Variants in TEAD4 observed in about 807,000 individuals in gnomAD.
TEAD4 encodes TEA domain transcription factor 4, also known as transcriptional enhancer factor TEF-3.
Under a neutral mutation model 52.4 loss-of-function variants are expected in TEAD4, and 36 were observed. That is an observed-to-expected ratio of 0.69 (90% CI 0.53 to 0.91). The LOEUF (loss-of-function observed/expected upper bound fraction) is 0.91, where lower values mean the gene tolerates loss of function less well. Among genes scored for constraint, TEAD4 ranks in the 40% least tolerant of loss-of-function variants. The pLI, the probability that TEAD4 is intolerant of heterozygous loss-of-function variation, is 0.00. For missense variants in TEAD4, 508 were observed against 583.9 expected (o/e 0.87, Z 1.34); for synonymous variants, 220 against 231.0 (o/e 0.95, Z 0.43).
intron 2 of TEAD4, among the ~76,000 whole-genome samples, chr12:2,986,365 C>T (rs61507057): frequency 0.035 from 5,230 of 151,530 alleles, 317 homozygotes; most frequent in African/African-American, 0.12. Context: ...AGGCTGGGTG[C>T]GGTGGCTCAC....
At chr12:3,027,618 A>G (rs180749380) in intron 10 of TEAD4, among the ~76,000 whole-genome samples, 16 of 152,286 alleles carry the variant, frequency 1.1e-4, no homozygotes, top group African/African-American at 2.9e-4. Context: ...AGTAACCCCT[A>G]CACTTTGGGA....
intron 2 of TEAD4, among the ~76,000 whole-genome samples, chr12:2,962,215 C>T (rs574505678): frequency 2.2e-4 from 33 of 148,132 alleles, no homozygotes; most frequent in African/African-American, 7.8e-4. Context: ...ACCTCCGCCT[C>T]CTGGGTTCAA....
chr12:3,023,534 T>A (rs1163087050), intron 10 of TEAD4, among the ~76,000 whole-genome samples: 17 of 151,556 alleles, frequency 1.1e-4, no homozygotes, highest in Non-Finnish European at 1.5e-5. Context: ...ATGCCTGTAA[T>A]CCCAGCACTT....
In TEAD4 at chr12:2,973,972, C is replaced by T. The variant is rs1423232490; in HGVS notation, c.-30+13932C>T. Among the ~76,000 whole-genome samples, 10 of 152,192 alleles carry T rather than the reference C, an allele frequency of 6.6e-5. No homozygotes were observed. In the East Asian group the frequency reaches 1.7e-3, roughly 26 times the overall value. ...GGGTCCTCTGGGATGGTAACCTCAGCCTAGGGTCTGAGTGAAGGCTTCCAG... is the reference window on the plus strand; with the variant it reads ...GGGTCCTCTGGGATGGTAACCTCAGTCTAGGGTCTGAGTGAAGGCTTCCAG... On this transcript the variant is annotated intron_variant, in intron 2 of 12. Coordinates refer to ENST00000359864, the MANE Select transcript of TEAD4 (RefSeq NM_003213.4).
chr12:3,024,328 A>G (rs568059594), intron 10 of TEAD4, among the ~76,000 whole-genome samples: 40 of 152,132 alleles, frequency 2.6e-4, no homozygotes, highest in Non-Finnish European at 5.1e-4. Flanking sequence ...TGCCCGCCTC[A>G]GCCTCCCAAA....
intron 5 of TEAD4, among the ~76,000 whole-genome samples, chr12:3,015,964 C>A (rs981520520): frequency 6.6e-6 from 1 of 151,990 alleles, no homozygotes; most frequent in Non-Finnish European, 1.5e-5. Flanking sequence ...TCACATGAAG[C>A]CAGGCGTTTG....
intron 3 of TEAD4, among the ~76,000 whole-genome samples, chr12:3,000,609 GA>G (rs1565537025): frequency 6.6e-6 from 1 of 152,186 alleles, no homozygotes; most frequent in African/African-American, 2.4e-5. Context: ...CCACATGGGG[GA>G]TTACATTTCA....
In TEAD4 at chr12:2,985,347, T is replaced by C. The variant is rs557087680; in HGVS notation, c.-29-9391T>C. 1.3e-4 allele frequency among the ~76,000 whole-genome samples: 19 copies of C among 151,598 alleles called. No homozygotes were observed. In the East Asian group the frequency reaches 3.7e-3, roughly 30 times the overall value. On this transcript the variant is annotated intron_variant, in intron 2 of 12. Transcript: ENST00000359864. ...TTGCAGTGAGCCGAGATTGCGCCACTGTACTCCAGCCTGGGTGACAGAGCA... is the reference window on the plus strand; with the variant it reads ...TTGCAGTGAGCCGAGATTGCGCCACCGTACTCCAGCCTGGGTGACAGAGCA...
chr12:3,004,620 G>A (rs974238694), intron 3 of TEAD4, among the ~76,000 whole-genome samples: 1 of 152,208 alleles, frequency 6.6e-6, no homozygotes, highest in Non-Finnish European at 1.5e-5. Flanking sequence ...TGTCTGTAGC[G>A]TGGATGACAG....
chr12:3,013,970 G>A (rs1420501030), intron 5 of TEAD4, among the ~76,000 whole-genome samples: 1 of 152,228 alleles, frequency 6.6e-6, no homozygotes, highest in Non-Finnish European at 1.5e-5. Flanking sequence ...CCTGACACTG[G>A]AATCTCAGAA....
chr12:3,020,767 G>A lies in TEAD4; in HGVS notation c.717G>A (p.Pro239=), dbSNP rs112668795. ...CCTTCCTGGAGCAGCAGCAGGACCC[G>A]GACACGGTAGGTCCTGGCCTCTGCC... is the stretch of plus-strand genomic sequence containing the variant. The change falls in exon 9 of 13, where the codon CCG becomes CCA. Residue 239 remains proline, a synonymous_variant. Coordinates refer to ENST00000359864, the MANE Select transcript of TEAD4 (RefSeq NM_003213.4). The A allele has an allele frequency of 7.0e-4, 1,127 of 1,604,178 alleles. 5 individuals are homozygous for A. The African/African-American group carries it at 0.013, about 18-fold the overall frequency.
intron 2 of TEAD4, among the ~76,000 whole-genome samples, chr12:2,990,559 A>C (rs982112947): frequency 8.0e-6 from 1 of 125,136 alleles, no homozygotes; most frequent in African/African-American, 3.0e-5. Context: ...TCTGCCTCCC[A>C]GGTACAAGTC....
chr12:3,004,732 G>T (rs777854829), intron 3 of TEAD4, among the ~76,000 whole-genome samples: 3 of 152,218 alleles, frequency 2.0e-5, no homozygotes, highest in Non-Finnish European at 4.4e-5. Flanking sequence ...TACTGATGAG[G>T]TATGCAGCAA....
intron 9 of TEAD4, 29 bp from the exon 10 acceptor site, chr12:3,021,815 C>A: frequency 1.9e-6 from 3 of 1,606,516 alleles, no homozygotes; most frequent in Non-Finnish European, 2.6e-6. Context: ...GCCTGTGCTC[C>A]GTCTCCCTCA....
intron 2 of TEAD4, among the ~76,000 whole-genome samples, chr12:2,965,394 A>G (rs2098219392): frequency 6.6e-6 from 1 of 152,056 alleles, no homozygotes; most frequent in Non-Finnish European, 1.5e-5. Context: ...TCCTGGGCTC[A>G]AGCAATCCTC....
chr12:2,962,625 A>G (rs1323794377), intron 2 of TEAD4, among the ~76,000 whole-genome samples: 20 of 151,288 alleles, frequency 1.3e-4, no homozygotes, highest in Admixed American at 1.3e-3. Flanking sequence ...ATGAGCCACC[A>G]CTCCCAGCCG....
At chr12:3,018,701 C>G (rs1416189733) in intron 7 of TEAD4, 113 bp downstream of exon 7, 1 of 1,402,850 alleles carries the variant, frequency 7.1e-7, no homozygotes, top group East Asian at 2.3e-5. Flanking sequence ...CTGCTGGGGT[C>G]GGCCTTTCAG....
chr12:3,035,406 C>G (rs149084558), intron 10 of TEAD4, among the ~76,000 whole-genome samples: 271 of 152,300 alleles, frequency 1.8e-3, no homozygotes, highest in African/African-American at 6.1e-3. Context: ...AGGCATTGTT[C>G]ACATTTTTGC....
chr12:2,992,157 T>G (rs2098243658), intron 2 of TEAD4, among the ~76,000 whole-genome samples: 1 of 151,872 alleles, frequency 6.6e-6, no homozygotes, highest in Non-Finnish European at 1.5e-5. Context: ...TAGCTGGGAT[T>G]ACAGGCACCC....
Sources: gnomAD v4.1 joint callset for allele counts (sites outside exome capture counted in the v4.1 genomes callset) on GRCh38, gnomAD v4.1.1 for gene constraint, MANE v1.5 for transcripts, NCBI Gene and HGNC (gene_info 2026-07-23, HGNC 2026-07-21) for gene names.